MADD: variants seen among roughly 807,000 people sequenced by gnomAD.
MADD encodes the protein MAP kinase activating death domain.
Under a neutral mutation model 176.7 loss-of-function variants are expected in MADD, and 109 were observed. The observed-to-expected ratio is 0.62, with a 90% CI of 0.53 to 0.72. The LOEUF (loss-of-function observed/expected upper bound fraction) is 0.72. Among genes scored for constraint, MADD ranks in the 30% least tolerant of loss-of-function variants. The pLI is 0.00. For synonymous variants in MADD, 771 were observed against 771.3 expected, an observed-to-expected ratio of 1.00 and a Z score of 0.01; for missense variants, 1,914 against 2,045.5, an observed-to-expected ratio of 0.94 and a Z score of 1.24.
intron 10 of MADD, among the ~76,000 whole-genome samples, chr11:47,283,599 T>A (rs895017888): frequency 7.2e-5 from 11 of 152,152 alleles, no homozygotes; most frequent in African/African-American, 2.4e-4. Flanking sequence ...TGAGATGGAG[T>A]CTTGCTCTGT....
chr11:47,322,249 C>T (rs1488084421), intron 27 of MADD, among the ~76,000 whole-genome samples: 1 of 152,094 alleles, frequency 6.6e-6, no homozygotes, highest in Admixed American at 6.6e-5. Context: ...TAAACTCAGG[C>T]TGACTTTAGA....
exon 14 of MADD, chr11:47,285,555 G>C (rs1376513174): frequency 6.2e-7 from 1 of 1,614,142 alleles, no homozygotes; most frequent in African/African-American, 1.3e-5. Flanking sequence ...TCCAACACCA[G>C]CACCGAGGGC....
At chr11:47,307,291 T>C (rs1048220187) in intron 22 of MADD, among the ~76,000 whole-genome samples, 1 of 152,198 alleles carries the variant, frequency 6.6e-6, no homozygotes, top group Admixed American at 6.6e-5. Context: ...ATAGGTATGA[T>C]GGAGTATCGG....
At chr11:47,301,162 G>A (rs1565452265) in intron 22 of MADD, among the ~76,000 whole-genome samples, 1 of 151,796 alleles carries the variant, frequency 6.6e-6, no homozygotes. Context: ...GCCCAGGCTG[G>A]AGTGCAGTGG....
intron 27 of MADD, among the ~76,000 whole-genome samples, chr11:47,317,130 C>T (rs2093307513): frequency 1.3e-5 from 2 of 152,206 alleles, no homozygotes; most frequent in Admixed American, 6.5e-5. Flanking sequence ...TCCTGGTCCT[C>T]TTCTGTATCA....
At chr11:47,327,251 G>C (rs2095546758) in intron 31 of MADD, 1 of 994,458 alleles carries the variant, frequency 1.0e-6, no homozygotes, top group South Asian at 4.5e-5. Context: ...CAGACAAAGG[G>C]GCACCGGGCG....
chr11:47,287,276 C>T (rs1046619709), intron 15 of MADD, among the ~76,000 whole-genome samples: 7 of 152,126 alleles, frequency 4.6e-5, no homozygotes, highest in Admixed American at 2.0e-4. Flanking sequence ...GAGCCGAGGT[C>T]GCGCCACTGC....
At chr11:47,275,819 GC>G in intron 3 of MADD, 79 bp from the exon 4 acceptor site, 3 of 1,326,038 alleles carry the variant, frequency 2.3e-6, no homozygotes, top group Non-Finnish European at 2.1e-6. Context: ...CATCATTAGA[GC>G]CTCTGTGGTG....
At chr11:47,276,043 C>T (rs1299313696) in exon 4 of MADD, 1 of 1,614,104 alleles carries the variant, frequency 6.2e-7, no homozygotes, top group Non-Finnish European at 8.5e-7. Flanking sequence ...AGCGAGTAGA[C>T]ATCGAGGTCC....
chr11:47,328,760 C>T, intron 32 of MADD, 56 bp downstream of exon 36: 3 of 1,609,978 alleles, frequency 1.9e-6, no homozygotes, highest in Non-Finnish European at 2.5e-6. Context: ...CCTGGGGGAC[C>T]TTCGGACAGG....
intron 22 of MADD, among the ~76,000 whole-genome samples, chr11:47,300,064 C>T (rs1260539421): frequency 6.6e-6 from 1 of 152,144 alleles, no homozygotes; most frequent in Non-Finnish European, 1.5e-5. Flanking sequence ...CGCTCTGTAC[C>T]TAACTTGTTG....
chr11:47,315,197 C>CT, intron 26 of MADD, 23 bp from the exon 30 acceptor site: 1 of 1,504,594 alleles, frequency 6.6e-7, no homozygotes, highest in Non-Finnish European at 9.3e-7. Flanking sequence ...ATGACTGTCC[C>CT]TAAAAAATCT....
At chr11:47,327,110 A>T (rs1241831995) in intron 31 of MADD, 8 of 1,120,936 alleles carry the variant, frequency 7.1e-6, no homozygotes, top group Non-Finnish European at 7.7e-6. Flanking sequence ...GTGGTCAGAA[A>T]GTTTGGGACA....
At chr11:47,271,957 G>C (rs1964742343) in intron 1 of MADD, 3 of 152,168 alleles carry the variant, frequency 2.0e-5, no homozygotes, top group Non-Finnish European at 2.9e-5. Context: ...AAGCAGTGGT[G>C]ATACCTAGAA....
At chr11:47,283,044 G>C in intron 10 of MADD, 75 bp downstream of exon 10, 6 of 1,426,906 alleles carry the variant, frequency 4.2e-6, no homozygotes, top group Non-Finnish European at 2.9e-6. Flanking sequence ...GCACAGAGAA[G>C]GCAAAGTCTC....
rs11570127 is a variant in MADD, at chr11:47,329,618, G to C, written c.*468G>C. On this transcript the variant is annotated 3_prime_UTR_variant, in exon 33 of 33. Coordinates refer to ENST00000402192, the Ensembl canonical transcript of MADD. ...AGGAAGGGCACAGAGAGGAAGGGAAGAATTGGGGGGCAGCCGGAGTGAGTG... is the reference window on the plus strand; with the variant it reads ...AGGAAGGGCACAGAGAGGAAGGGAACAATTGGGGGGCAGCCGGAGTGAGTG... 5.1e-4 allele frequency: 80 copies of C among 158,380 alleles called. No individual in the cohort carries two copies. In the Middle Eastern group the frequency reaches 0.017, roughly 33 times the overall value. 9.8% of individuals were successfully genotyped at this position (158,380 alleles called of 1,614,324 possible). A position where few individuals can be genotyped will look rare whatever the true frequency, so the allele number is the denominator to read the frequency against.
At chr11:47,327,128 CT>C in intron 31 of MADD, 1 of 1,076,862 alleles carries the variant, frequency 9.3e-7, no homozygotes, top group South Asian at 3.4e-5. Context: ...ACACAGCAGA[CT>C]GGCGACCCCC....
chr11:47,297,739 C>T (rs1279354147), intron 22 of MADD, among the ~76,000 whole-genome samples: 1 of 150,940 alleles, frequency 6.6e-6, no homozygotes, highest in African/African-American at 2.4e-5. Flanking sequence ...AGCCACTGCT[C>T]CCGGCCAAGG....
intron 27 of MADD, among the ~76,000 whole-genome samples, chr11:47,320,555 G>A (rs1362464934): frequency 1.3e-5 from 2 of 152,316 alleles, no homozygotes; most frequent in Non-Finnish European, 2.9e-5. Context: ...GGAGGCTGAG[G>A]CAGGAGGATT....
Sources: allele counts gnomAD v4.1 joint callset (sites outside exome capture counted in the v4.1 genomes callset), GRCh38; gene constraint gnomAD v4.1.1; transcripts MANE v1.5; gene names NCBI Gene and HGNC (gene_info 2026-07-23, HGNC 2026-07-21).